Variants in FRMD4B observed in about 807,000 individuals in gnomAD.
The protein encoded by FRMD4B is FERM domain containing 4B.
A neutral mutation model predicts 141.5 loss-of-function variants in FRMD4B; 74 were observed. That is an observed-to-expected ratio of 0.52 (90% confidence interval 0.43 to 0.63). FRMD4B has a LOEUF of 0.63. Ranked by LOEUF, FRMD4B falls within the 30% of genes least tolerant of loss-of-function variation. The pLI is 0.00. For synonymous variants in FRMD4B, 506 were observed against 467.9 expected, an observed-to-expected ratio of 1.08 and a Z score of -1.05; for missense variants, 1,366 against 1,253.4, an observed-to-expected ratio of 1.09 and a Z score of -1.36.
intron 2 of FRMD4B, among the ~76,000 whole-genome samples, chr3:69,394,273 GA>G (rs1704437006): frequency 6.6e-6 from 1 of 152,288 alleles, no homozygotes; most frequent in Admixed American, 6.5e-5. Flanking sequence ...CTACCATGGG[GA>G]CCCCCAGGCC....
chr3:69,287,726 G>C, intron 5 of FRMD4B, 26 bp downstream of exon 5: 1 of 1,268,150 alleles, frequency 7.9e-7, no homozygotes. Flanking sequence ...GAGGCATCCA[G>C]TGAACATGAC....
intron 1 of FRMD4B, among the ~76,000 whole-genome samples, chr3:69,532,435 G>C (rs1326590211): frequency 6.6e-6 from 1 of 152,178 alleles, no homozygotes; most frequent in East Asian, 1.9e-4. Flanking sequence ...CACAGACAAA[G>C]TGCAGGGTGC....
At chr3:69,217,961 T>G (rs111825647) in intron 10 of FRMD4B, among the ~76,000 whole-genome samples, 1 of 152,164 alleles carries the variant, frequency 6.6e-6, no homozygotes. Context: ...AAACATGGTA[T>G]TGCAAATCCT....
intron 2 of FRMD4B, among the ~76,000 whole-genome samples, chr3:69,401,583 T>C (rs1314747980): frequency 6.6e-6 from 1 of 152,190 alleles, no homozygotes; most frequent in Non-Finnish European, 1.5e-5. Context: ...AGGGTCTCAC[T>C]CTGCCACCCG....
At chr3:69,451,792 G>C (rs544174061) in intron 1 of FRMD4B, among the ~76,000 whole-genome samples, 14 of 152,146 alleles carry the variant, frequency 9.2e-5, no homozygotes, top group Non-Finnish European at 1.9e-4. Context: ...AAAAACACCA[G>C]TCCCAGCTCT....
chr3:69,189,742 C>G (rs769805795), intron 18 of FRMD4B, among the ~76,000 whole-genome samples, 154 bp downstream of exon 18: 17 of 152,206 alleles, frequency 1.1e-4, no homozygotes, highest in Non-Finnish European at 1.8e-4. Flanking sequence ...GTTAATCATA[C>G]ACTTCCTTTC....
Position 69,496,612 on chromosome 3 carries a change from TGAGAGAGA to T in FRMD4B, c.-129+45586_-129+45593del, listed in dbSNP as rs142597397. On this transcript the variant is annotated intron_variant, in intron 1 of 5. Transcript: ENST00000459638. ...CAGGTGAAAGATGAAAGAGAGAGAG[TGAGAGAGA>T]GAGAGAGAGAGAGAGAAAGAGAGAG... Among the ~76,000 whole-genome samples, 252 of 88,194 alleles carry T rather than the reference TGAGAGAGA, an allele frequency of 2.9e-3. 2 individuals carry two copies. The highest frequency in any genetic ancestry group is 4.5e-3 in the Non-Finnish European group (203 of 45,000). 57.9% of individuals were successfully genotyped at this position (88,194 alleles called of 152,430 possible). A position where few individuals can be genotyped will look rare whatever the true frequency, so the allele number is the denominator to read the frequency against.
intron 1 of FRMD4B, among the ~76,000 whole-genome samples, chr3:69,351,820 C>G (rs187355893): frequency 2.2e-4 from 34 of 152,296 alleles, no homozygotes; most frequent in Admixed American, 7.2e-4. Context: ...TCTTCAGTAA[C>G]AGAATGAGGA....
chr3:69,236,976 C>T (rs2093349228), intron 7 of FRMD4B, among the ~76,000 whole-genome samples: 1 of 152,212 alleles, frequency 6.6e-6, no homozygotes, highest in Non-Finnish European at 1.5e-5. Flanking sequence ...TTTCTACCCA[C>T]CCAGACTAAA....
At chr3:69,454,555 C>T (rs1180538816) in intron 1 of FRMD4B, among the ~76,000 whole-genome samples, 4 of 152,220 alleles carry the variant, frequency 2.6e-5, no homozygotes, top group Admixed American at 2.0e-4. Flanking sequence ...CCACCGGCCC[C>T]GGGCAGTGAG....
chr3:69,269,842 A>T (rs1315558016), intron 5 of FRMD4B, among the ~76,000 whole-genome samples: 3 of 151,536 alleles, frequency 2.0e-5, no homozygotes, highest in African/African-American at 7.3e-5. Flanking sequence ...CTGGTCTTGA[A>T]CTCCTGACCT....
chr3:69,496,168 GA>G (rs1438182658), intron 1 of FRMD4B, among the ~76,000 whole-genome samples: 3 of 152,214 alleles, frequency 2.0e-5, no homozygotes, highest in African/African-American at 7.2e-5. Context: ...AATGGTTACA[GA>G]TGGTGGCTTT....
At chr3:69,374,494 T>A (rs944313854) in intron 1 of FRMD4B, among the ~76,000 whole-genome samples, 6 of 152,200 alleles carry the variant, frequency 3.9e-5, no homozygotes, top group African/African-American at 1.4e-4. Context: ...CCAGGTCTTC[T>A]TAGCAGTTGC....
chr3:69,451,252 T>G (rs1169209403), intron 1 of FRMD4B, among the ~76,000 whole-genome samples: 3 of 150,172 alleles, frequency 2.0e-5, no homozygotes, highest in Admixed American at 6.7e-5. Context: ...GCGATCTCTT[T>G]TCTTCCTATC....
intron 4 of FRMD4B, among the ~76,000 whole-genome samples, chr3:69,298,845 C>G (rs1217562351): frequency 6.6e-6 from 1 of 152,096 alleles, no homozygotes; most frequent in African/African-American, 2.4e-5. Flanking sequence ...CTCCATAACC[C>G]CTCACATAAG....
chr3:69,410,707 A>G (rs1261297073), intron 2 of FRMD4B, among the ~76,000 whole-genome samples: 3 of 71,510 alleles, frequency 4.2e-5, no homozygotes, highest in Non-Finnish European at 8.0e-5. Context: ...AAAGAAATAT[A>G]TAAATAAATA....
At chr3:69,501,100 C>T (rs6770589) in intron 1 of FRMD4B, among the ~76,000 whole-genome samples, 3,376 of 152,182 alleles carry the variant, frequency 0.022, 128 homozygotes, top group African/African-American at 0.078. Flanking sequence ...CCAAAATTTG[C>T]ATATTTATTA....
chr3:69,491,990 C>T (rs1189270102), intron 1 of FRMD4B, among the ~76,000 whole-genome samples: 1 of 152,214 alleles, frequency 6.6e-6, no homozygotes, highest in Non-Finnish European at 1.5e-5. Context: ...CTCCGCCGTA[C>T]CCCCGCAAGT....
At chr3:69,175,599 TAG>T (rs2092635394) in intron 22 of FRMD4B, among the ~76,000 whole-genome samples, 1 of 151,668 alleles carries the variant, frequency 6.6e-6, no homozygotes. Context: ...TTTCCTGGAG[TAG>T]AGAGATTTTT....
Sources: allele counts gnomAD v4.1 joint callset (sites outside exome capture counted in the v4.1 genomes callset), GRCh38; gene constraint gnomAD v4.1.1; transcripts MANE v1.5; gene names NCBI Gene and HGNC (gene_info 2026-07-23, HGNC 2026-07-21).